The following ITGA8 variants were observed in gnomAD, a reference collection of about 807,000 sequenced individuals.
The protein encoded by ITGA8 is integrin subunit alpha 8.
In ITGA8, 91 loss-of-function variants were observed where a neutral mutation model predicts 142.3. The ratio of observed to expected loss-of-function variants is 0.64; its 90% CI spans 0.54 to 0.76. The LOEUF (loss-of-function observed/expected upper bound fraction) is 0.76. Among genes scored for constraint, ITGA8 ranks in the 30% least tolerant of loss-of-function variants. The probability of loss-of-function intolerance (pLI) is 0.00; values close to 1 mark genes in which losing one functional copy is unlikely to be tolerated. For synonymous variants in ITGA8, 505 were observed against 485.2 expected (o/e 1.04, Z -0.54); for missense variants, 1,406 against 1,327.7 (o/e 1.06, Z -0.92).
chr10:15,711,225 T>C (rs1835357631), intron 2 of ITGA8, among the ~76,000 whole-genome samples: 1 of 152,228 alleles, frequency 6.6e-6, no homozygotes, highest in Non-Finnish European at 1.5e-5. Flanking sequence ...TCGGAACATA[T>C]GATCCTTTAT....
rs753444502 is a variant in ITGA8 at position 15,572,288 on chromosome 10, G to T, written c.2560C>A (p.Leu854Ile). 2.5e-6 allele frequency: 4 copies of T among 1,613,792 alleles called. No individual in the cohort carries two copies. The African/African-American group carries it at 5.3e-5, about 22-fold the overall frequency. ...WPFSARDEFL[L>I]YIFHIQTLGP... ...AGAGTTTGAATATGGAAAATATAGAGAAGAAATTCATCCCGGGCAGAGAAA... is the reference window on the plus strand; with the variant it reads ...AGAGTTTGAATATGGAAAATATAGATAAGAAATTCATCCCGGGCAGAGAAA... Residue 854 changes from leucine (L) to isoleucine (I), a missense_variant, in exon 25 of 30, where the codon CTC (leucine) becomes ATC (isoleucine). Coordinates refer to ENST00000378076, the MANE Select transcript of ITGA8 (RefSeq NM_003638.3).
At position 15,672,752 on chromosome 10, in the gene ITGA8, G is replaced by T. The variant is rs752972234; in HGVS notation, c.677-3C>A. ...AACACTGGCAGTGATCACTTGTCCTGTGTTTAAACAAATTAATACGTTAAC... is the reference window on the plus strand; with the variant it reads ...AACACTGGCAGTGATCACTTGTCCTTTGTTTAAACAAATTAATACGTTAAC... On this transcript the variant is annotated splice_region_variant and splice_polypyrimidine_tract_variant and intron_variant, in intron 6 of 29. Transcript: ENST00000378076. 3.8e-6 allele frequency: 6 copies of T among 1,599,084 alleles called. No individual in the cohort carries two copies. Among genetic ancestry groups the T allele is most frequent in the South Asian group, 2.3e-5 (2 of 88,430 alleles).
At chr10:15,682,873 AAT>A (rs1834763893) in intron 4 of ITGA8, among the ~76,000 whole-genome samples, 5 of 130,990 alleles carry the variant, frequency 3.8e-5, no homozygotes, top group South Asian at 5.1e-4. Context: ...AAAAAAAAAA[AAT>A]TTCTACTGCC....
chr10:15,574,356 A>G (rs1486482493), intron 24 of ITGA8, among the ~76,000 whole-genome samples: 1 of 152,214 alleles, frequency 6.6e-6, no homozygotes, highest in African/African-American at 2.4e-5. Context: ...AATTATTTTT[A>G]TCTATGTACC....
intron 23 of ITGA8, among the ~76,000 whole-genome samples, chr10:15,583,071 A>C (rs1210357668): frequency 6.6e-6 from 1 of 152,234 alleles, no homozygotes; most frequent in South Asian, 2.1e-4. Context: ...AATACTTCTC[A>C]GCAGTAAAAA....
chr10:15,665,105 T>C (rs907227200), intron 8 of ITGA8, among the ~76,000 whole-genome samples: 2 of 152,216 alleles, frequency 1.3e-5, no homozygotes, highest in African/African-American at 4.8e-5. Flanking sequence ...ACTTCCACAA[T>C]GGTTGAACTA....
At chr10:15,584,017 C>G (rs996835908) in intron 23 of ITGA8, among the ~76,000 whole-genome samples, 10 of 152,160 alleles carry the variant, frequency 6.6e-5, no homozygotes, top group African/African-American at 2.4e-4. Flanking sequence ...GTAAAAAAGG[C>G]TGGGTGTGAT....
At chr10:15,590,964 T>A (rs1361007174) in intron 22 of ITGA8, among the ~76,000 whole-genome samples, 1 of 152,142 alleles carries the variant, frequency 6.6e-6, no homozygotes, top group Non-Finnish European at 1.5e-5. Flanking sequence ...GGTGGGAGAA[T>A]AATTTGTGAC....
Position 15,693,735 on chromosome 10 carries a change from G to T in ITGA8, c.344-5697C>A, listed in dbSNP as rs115314693. Among the ~76,000 whole-genome samples, 1,257 of 152,290 alleles carry T rather than the reference G, an allele frequency of 8.3e-3. 15 individuals are homozygous for T. The highest frequency in any genetic ancestry group is 0.029 in the African/African-American group (1,186 of 41,578). On this transcript the variant is annotated intron_variant, in intron 2 of 29. Transcript: ENST00000378076. Reference sequence around the variant, plus strand: ...GATTTCTTCTATAAAATGAGGCTGAGAATATATTCCCCTTCTCCTGCACAG... The same window carrying T: ...GATTTCTTCTATAAAATGAGGCTGATAATATATTCCCCTTCTCCTGCACAG...
intron 20 of ITGA8, among the ~76,000 whole-genome samples, chr10:15,598,273 G>A (rs965133735): frequency 2.0e-5 from 3 of 152,148 alleles, no homozygotes; most frequent in African/African-American, 4.8e-5. Context: ...TGATAGGTTC[G>A]GAAGAGGGTT....
Position 15,646,878 on chromosome 10 carries a change from T to C in ITGA8, c.1175A>G (p.His392Arg), listed in dbSNP as rs139249793. ...TCCATCTTGGTTCAGGTCTCCTAAG[T>C]GTGCCATAGCACTACCGAATCTCCC... ...TFGRFGSAMA[H>R]LGDLNQDGYN... The change falls in exon 12 of 30, where the codon CAC (histidine) becomes CGC (arginine). Residue 392 changes from histidine (H) to arginine (R), a missense_variant. By Grantham distance (29) the His-to-Arg change is conservative. Transcript: ENST00000378076. The C allele has an allele frequency of 8.3e-5, 134 of 1,614,132 alleles. No individual in the cohort carries two copies. The African/African-American group carries it at 1.3e-3, about 15-fold the overall frequency.
In ITGA8 at chr10:15,672,607, T is replaced by G. The variant is rs770857677; in HGVS notation, c.802+17A>C. On this transcript the variant is annotated intron_variant, in intron 7 of 29. Coordinates refer to ENST00000378076, the MANE Select transcript of ITGA8 (RefSeq NM_003638.3). ...GTCTTTTGAAAAACCACAAATGTCTTGGGCAATGGGTCTTACCAAGGTAAC... is the reference window on the plus strand; with the variant it reads ...GTCTTTTGAAAAACCACAAATGTCTGGGGCAATGGGTCTTACCAAGGTAAC... 2 of 1,602,504 alleles carry G rather than the reference T, an allele frequency of 1.2e-6. No homozygotes were observed. Among genetic ancestry groups the G allele is most frequent in the Non-Finnish European group, 1.7e-6 (2 of 1,176,150 alleles).
intron 28 of ITGA8, among the ~76,000 whole-genome samples, chr10:15,520,829 C>A (rs908670515): frequency 6.6e-6 from 1 of 152,230 alleles, no homozygotes; most frequent in Non-Finnish European, 1.5e-5. Flanking sequence ...TCATTTCAAT[C>A]CTGAAACACA....
At chr10:15,575,996 T>C (rs1373068038) in intron 23 of ITGA8, among the ~76,000 whole-genome samples, 1 of 151,972 alleles carries the variant, frequency 6.6e-6, no homozygotes, top group Non-Finnish European at 1.5e-5. Context: ...GGTTATTTAA[T>C]CCCTGCTTTA....
At chr10:15,596,965 CA>C (rs1309723412) in intron 21 of ITGA8, 1 of 416,554 alleles carries the variant, frequency 2.4e-6, no homozygotes, top group Non-Finnish European at 4.3e-6. Context: ...AACTAAAAGA[CA>C]GGCAAGAGTA....
At chr10:15,620,308 TAC>T (rs4030584) in intron 13 of ITGA8, among the ~76,000 whole-genome samples, 5 of 150,916 alleles carry the variant, frequency 3.3e-5, no homozygotes, top group Admixed American at 1.3e-4. Context: ...GGTGTTGAGA[TAC>T]ACACACACAC....
intron 2 of ITGA8, among the ~76,000 whole-genome samples, chr10:15,710,828 G>A (rs1413110816): frequency 3.3e-5 from 5 of 152,194 alleles, no homozygotes; most frequent in South Asian, 2.1e-4. Context: ...TGCGTATAGC[G>A]TGGGCCGGGT....
intron 26 of ITGA8, among the ~76,000 whole-genome samples, chr10:15,550,181 C>T (rs1465000829): frequency 6.6e-6 from 1 of 152,184 alleles, no homozygotes; most frequent in Non-Finnish European, 1.5e-5. Context: ...TTGCCTGCCA[C>T]CATGTAAGAT....
At chr10:15,544,882 C>A (rs910280856) in intron 27 of ITGA8, among the ~76,000 whole-genome samples, 2 of 152,180 alleles carry the variant, frequency 1.3e-5, no homozygotes, top group African/African-American at 4.8e-5. Context: ...GTTAGGAGAT[C>A]GCTCAAGCAG....
Sources: gnomAD v4.1 joint callset for allele counts (sites outside exome capture counted in the v4.1 genomes callset) on GRCh38, gnomAD v4.1.1 for gene constraint, MANE v1.5 for transcripts, NCBI Gene and HGNC (gene_info 2026-07-23, HGNC 2026-07-21) for gene names.